Variants in KCNH8 observed in about 807,000 individuals in gnomAD.
KCNH8 encodes the protein voltage-gated delayed rectifier potassium channel KCNH8.
Under a neutral mutation model 103.6 loss-of-function variants are expected in KCNH8, and 70 were observed. The observed-to-expected ratio is 0.68, with a 90% confidence interval of 0.56 to 0.82. The LOEUF is 0.82. Ranked by LOEUF, KCNH8 falls within the 40% of genes least tolerant of loss-of-function variation. The probability of loss-of-function intolerance (pLI) is 0.00; values close to 1 mark genes in which losing one functional copy is unlikely to be tolerated. For missense variants in KCNH8, 1,217 were observed against 1,329.9 expected (o/e 0.92, Z 1.32); for synonymous variants, 498 against 489.4 (o/e 1.02, Z -0.23).
chr3:19,523,865 T>C (rs1575173251), intron 15 of KCNH8, among the ~76,000 whole-genome samples: 1 of 151,994 alleles, frequency 6.6e-6, no homozygotes, highest in East Asian at 1.9e-4. Flanking sequence ...TAATGTATTA[T>C]ATATTATCAA....
At chr3:19,407,152 C>A (rs2066704473) in intron 7 of KCNH8, among the ~76,000 whole-genome samples, 3 of 151,788 alleles carry the variant, frequency 2.0e-5, no homozygotes, top group Admixed American at 2.0e-4. Context: ...TTCTGAAGCC[C>A]AAACATAGTA....
At chr3:19,179,606 A>G (rs899793898) in intron 1 of KCNH8, among the ~76,000 whole-genome samples, 2 of 152,182 alleles carry the variant, frequency 1.3e-5, no homozygotes, top group Admixed American at 6.5e-5. Flanking sequence ...AGAGAGTTTA[A>G]CAGAATGAAA....
chr3:19,426,903 T>C (rs2067036938), intron 7 of KCNH8, among the ~76,000 whole-genome samples: 1 of 152,222 alleles, frequency 6.6e-6, no homozygotes, highest in African/African-American at 2.4e-5. Flanking sequence ...TGTATCTTTC[T>C]CCTTTCTCAA....
intron 3 of KCNH8, among the ~76,000 whole-genome samples, chr3:19,315,868 G>C (rs906586409): frequency 6.6e-6 from 1 of 151,844 alleles, no homozygotes. Flanking sequence ...TTGGCCACAC[G>C]TATATAAGAA....
intron 11 of KCNH8, among the ~76,000 whole-genome samples, chr3:19,497,970 T>G (rs1424759943): frequency 6.6e-6 from 1 of 152,242 alleles, no homozygotes; most frequent in Non-Finnish European, 1.5e-5. Context: ...CTTGTTGAAT[T>G]AAACTCTTTA....
At chr3:19,247,361 A>G (rs1185735323) in intron 1 of KCNH8, among the ~76,000 whole-genome samples, 1 of 152,202 alleles carries the variant, frequency 6.6e-6, no homozygotes, top group Non-Finnish European at 1.5e-5. Context: ...AAGTGCAAAG[A>G]TCATTTAAAT....
intron 1 of KCNH8, among the ~76,000 whole-genome samples, chr3:19,194,332 T>G (rs1346059768): frequency 6.6e-6 from 1 of 151,890 alleles, no homozygotes; most frequent in Non-Finnish European, 1.5e-5. Flanking sequence ...TTTCTTTATT[T>G]GAGCAAGTGT....
At chr3:19,363,078 A>T (rs2065967492) in intron 5 of KCNH8, among the ~76,000 whole-genome samples, 1 of 152,172 alleles carries the variant, frequency 6.6e-6, no homozygotes, top group South Asian at 2.1e-4. Context: ...TTTCAGGAAC[A>T]CAAGTGTCTG....
intron 5 of KCNH8, among the ~76,000 whole-genome samples, chr3:19,381,162 C>A (rs987697716): frequency 6.6e-6 from 1 of 152,072 alleles, no homozygotes; most frequent in East Asian, 1.9e-4. Context: ...TCTGACTGTG[C>A]TGGAAATGTG....
chr3:19,244,401 CAT>C (rs1322923333), intron 1 of KCNH8, among the ~76,000 whole-genome samples: 1 of 152,134 alleles, frequency 6.6e-6, no homozygotes, highest in Non-Finnish European at 1.5e-5. Context: ...CTGTGGTGAA[CAT>C]ATGAGTGCAC....
intron 1 of KCNH8, 117 bp downstream of exon 1, chr3:19,148,912 T>C: frequency 1.1e-6 from 1 of 912,586 alleles, no homozygotes; most frequent in South Asian, 1.4e-5. Flanking sequence ...TCTTCTGTTC[T>C]TGCCAAGGTA....
At chr3:19,353,952 T>C (rs1001563781) in intron 5 of KCNH8, among the ~76,000 whole-genome samples, 39 of 152,318 alleles carry the variant, frequency 2.6e-4, no homozygotes, top group African/African-American at 8.9e-4. Context: ...TTGTCTCTGT[T>C]TGCAGGTGAC....
At chr3:19,491,549 G>C (rs2068321679) in intron 11 of KCNH8, among the ~76,000 whole-genome samples, 1 of 152,054 alleles carries the variant, frequency 6.6e-6, no homozygotes, top group Non-Finnish European at 1.5e-5. Flanking sequence ...ATTTATCACT[G>C]TGGTGGATAT....
chr3:19,531,216 G>A (rs1005302464), intron 15 of KCNH8, among the ~76,000 whole-genome samples: 3 of 152,264 alleles, frequency 2.0e-5, no homozygotes, highest in East Asian at 3.9e-4. Flanking sequence ...TGGCTAATGT[G>A]CCTCTTTAAC....
intron 7 of KCNH8, among the ~76,000 whole-genome samples, chr3:19,422,001 T>C (rs1035529760): frequency 5.3e-5 from 8 of 152,214 alleles, no homozygotes; most frequent in South Asian, 2.1e-4. Context: ...AATTAAAATA[T>C]GTGTTTATTT....
chr3:19,467,800 C>T (rs1008002849), intron 11 of KCNH8, among the ~76,000 whole-genome samples: 1 of 152,154 alleles, frequency 6.6e-6, no homozygotes, highest in African/African-American at 2.4e-5. Flanking sequence ...TAGTAACATC[C>T]AGACTTTTTA....
At chr3:19,203,124 C>A (rs923315852) in intron 1 of KCNH8, among the ~76,000 whole-genome samples, 5 of 152,062 alleles carry the variant, frequency 3.3e-5, no homozygotes, top group African/African-American at 1.2e-4. Context: ...TAAAATGGAT[C>A]ATTACAAAAG....
At chr3:19,520,510 C>T (rs1339329653) in intron 15 of KCNH8, among the ~76,000 whole-genome samples, 2 of 151,946 alleles carry the variant, frequency 1.3e-5, no homozygotes, top group Non-Finnish European at 2.9e-5. Context: ...TATCCCTCTT[C>T]TAACCTATTT....
chr3:19,326,739 C>T (rs551314052), intron 3 of KCNH8, among the ~76,000 whole-genome samples: 1 of 152,254 alleles, frequency 6.6e-6, no homozygotes, highest in South Asian at 2.1e-4. Context: ...TTCAAGATCC[C>T]CAAACTCATT....
Sources: allele counts gnomAD v4.1 joint callset (sites outside exome capture counted in the v4.1 genomes callset), GRCh38; gene constraint gnomAD v4.1.1; transcripts MANE v1.5; gene names NCBI Gene and HGNC (gene_info 2026-07-23, HGNC 2026-07-21).